Variants in COL4A2 observed in about 807,000 individuals in gnomAD.
COL4A2 encodes collagen alpha-2(IV) chain.
A neutral mutation model predicts 200.2 loss-of-function variants in COL4A2; 99 were observed. The observed-to-expected ratio is 0.49, with a 90% CI of 0.42 to 0.58. The LOEUF is 0.58. Ranked by LOEUF, COL4A2 falls within the 20% of genes least tolerant of loss-of-function variation. The pLI is 0.00. For missense variants in COL4A2, 1,950 were observed against 2,314.1 expected (o/e 0.84, Z 3.23); for synonymous variants, 897 against 900.6 (o/e 1.00, Z 0.07).
At chr13:110,424,222 A>G (rs1880373438) in intron 4 of COL4A2, among the ~76,000 whole-genome samples, 1 of 151,426 alleles carries the variant, frequency 6.6e-6, no homozygotes, top group African/African-American at 2.4e-5. Flanking sequence ...CAGCCATCCT[A>G]TTTAGTGTGG....
chr13:110,351,299 C>G (rs1410315642), intron 3 of COL4A2, among the ~76,000 whole-genome samples: 1 of 151,954 alleles, frequency 6.6e-6, no homozygotes, highest in Non-Finnish European at 1.5e-5. Context: ...GGTCTTGAAC[C>G]CCTGAGCTCA....
chr13:110,398,151 C>T (rs1879246837), intron 4 of COL4A2, among the ~76,000 whole-genome samples: 1 of 150,778 alleles, frequency 6.6e-6, no homozygotes, highest in African/African-American at 2.4e-5. Context: ...TTCTCTTGTC[C>T]CTTCTCCTTT....
At chr13:110,511,382 T>TA (rs372112718) in intron 47 of COL4A2, among the ~76,000 whole-genome samples, 48 of 148,514 alleles carry the variant, frequency 3.2e-4, no homozygotes, top group Non-Finnish European at 5.7e-4. Context: ...AGTACAGATT[T>TA]AAAAAAAAAA....
At chr13:110,475,361 C>T (rs916408635) in intron 29 of COL4A2, among the ~76,000 whole-genome samples, 5 of 152,222 alleles carry the variant, frequency 3.3e-5, no homozygotes, top group East Asian at 1.9e-4. Flanking sequence ...GAAGGACATA[C>T]GTAGGTGACT....
chr13:110,317,217 AC>A (rs2139346839), intron 3 of COL4A2, among the ~76,000 whole-genome samples: 1 of 151,568 alleles, frequency 6.6e-6, no homozygotes, highest in South Asian at 2.1e-4. Flanking sequence ...CGTGCACCCC[AC>A]ACACACAGAC....
intron 32 of COL4A2, among the ~76,000 whole-genome samples, chr13:110,484,671 G>C (rs989926592): frequency 6.6e-6 from 1 of 152,094 alleles, no homozygotes; most frequent in Non-Finnish European, 1.5e-5. Flanking sequence ...TCCCCCTACT[G>C]TGGTGCTGTG....
chr13:110,404,569 A>C (rs1879493853), intron 4 of COL4A2, among the ~76,000 whole-genome samples: 1 of 152,204 alleles, frequency 6.6e-6, no homozygotes, highest in Non-Finnish European at 1.5e-5. Context: ...AGGAGCCGCC[A>C]AGGCTCACAG....
In COL4A2 at chr13:110,480,270, G is replaced by A; in HGVS notation, c.2638G>A (p.Val880Met). 1 of 1,613,756 alleles carries A rather than the reference G, an allele frequency of 6.2e-7. No individual in the cohort carries two copies. The highest frequency in any genetic ancestry group is 1.1e-5 in the South Asian group (1 of 91,004). Residue 880 changes from valine to methionine, a missense_variant, in exon 31 of 48, where the codon GTG (valine) becomes ATG (methionine). By Grantham distance (21) the Val-to-Met change is conservative. Around this residue, in one of 2 missense-constraint regions of COL4A2, gnomAD observed 1,385 missense variants for 1,720.5 expected, o/e 0.80. Transcript: ENST00000360467. ...DPGDTGAPGP[V>M]GMKGLSGDRG... ...TGGGGACACAGGCGCTCCTGGCCCT[G>A]TGGGCATGAAAGGTCTCTCTGGTGA...
intron 8 of COL4A2, 37 bp from the exon 9 acceptor site, chr13:110,430,364 A>G (rs376017335): frequency 2.5e-6 from 4 of 1,602,494 alleles, no homozygotes; most frequent in Non-Finnish European, 3.4e-6. Flanking sequence ...AAGATGGTTA[A>G]AAGCTATCAC....
At position 110,503,236 on chromosome 13, in the gene COL4A2, C is replaced by A. The variant is rs754253271; in HGVS notation, c.3993C>A (p.Ser1331=). 1.2e-6 allele frequency: 2 copies of A among 1,613,496 alleles called. No homozygotes were observed. The highest frequency in any genetic ancestry group is 2.2e-5 in the South Asian group (2 of 91,060). ...TPGTKGWAGD[S]GPQGRPGVFG... is the part of the protein sequence containing the mutation. ...GGACCAAAGGATGGGCCGGGGACTC[C>A]GGGCCCCAGGGCAGGCCTGGTGTGT... Residue 1331 remains serine, a synonymous_variant, in exon 42 of 48, where the codon TCC becomes TCA. Transcript: ENST00000360467.
chr13:110,316,581 T>C (rs563338888), intron 3 of COL4A2, among the ~76,000 whole-genome samples: 4 of 152,128 alleles, frequency 2.6e-5, no homozygotes, highest in Admixed American at 6.6e-5. Flanking sequence ...TAAGAGAGCA[T>C]CCTGAAGATG....
intron 18 of COL4A2, among the ~76,000 whole-genome samples, chr13:110,448,967 G>A (rs946410020): frequency 3.3e-5 from 5 of 152,226 alleles, no homozygotes; most frequent in African/African-American, 4.8e-5. Flanking sequence ...CTGCACACTC[G>A]GCACGAAGCT....
chr13:110,317,529 C>T (rs1885172097), intron 3 of COL4A2, among the ~76,000 whole-genome samples: 1 of 152,014 alleles, frequency 6.6e-6, no homozygotes, highest in Non-Finnish European at 1.5e-5. Flanking sequence ...TGCAGAGAGG[C>T]TGGACAGAGG....
At chr13:110,395,951 A>G (rs1879167558) in intron 4 of COL4A2, among the ~76,000 whole-genome samples, 1 of 152,254 alleles carries the variant, frequency 6.6e-6, no homozygotes, top group Admixed American at 6.5e-5. Context: ...TCTCAAAATA[A>G]AAGTCCATTT....
At chr13:110,432,295 C>T in intron 10 of COL4A2, 30 bp from the exon 11 acceptor site, 4 of 1,593,660 alleles carry the variant, frequency 2.5e-6, no homozygotes, top group Non-Finnish European at 2.6e-6. Context: ...GTAAAGAAAA[C>T]CATTTACACA....
At position 110,457,427 on chromosome 13, in the gene COL4A2, G is replaced by A; in HGVS notation, c.1424G>A (p.Gly475Glu). The change falls in exon 21 of 48, where the codon GGG (glycine) becomes GAG (glutamate). Residue 475 changes from glycine to glutamate, a missense_variant. Around this residue, in one of 2 missense-constraint regions of COL4A2, gnomAD observed 1,385 missense variants for 1,720.5 expected, o/e 0.80. Coordinates refer to ENST00000360467, the MANE Select transcript of COL4A2 (RefSeq NM_001846.4). ...TCCCCTGGAGCCCGCGGACCAAAGG[G>A]GTGGAAAGGTAAGAACATCTGGGAG... is the stretch of plus-strand genomic sequence containing the variant. ...PGSPGARGPK[G>E]WKGDAGECRC... The A allele has an allele frequency of 6.3e-7, 1 of 1,598,170 alleles. No homozygotes were observed. The highest frequency in any genetic ancestry group is 8.6e-7 in the Non-Finnish European group (1 of 1,165,606).
At chr13:110,333,528 C>T (rs368162313) in intron 3 of COL4A2, among the ~76,000 whole-genome samples, 3 of 152,190 alleles carry the variant, frequency 2.0e-5, no homozygotes, top group Admixed American at 6.5e-5. Context: ...TTCATGGGGG[C>T]GATTTCTTGT....
intron 22 of COL4A2, 125 bp downstream of exon 22, chr13:110,459,059 TGGC>T: frequency 2.1e-6 from 2 of 956,752 alleles, no homozygotes; most frequent in Admixed American, 3.4e-5. Context: ...ACCCAAGGCA[TGGC>T]TAAACCATTC....
chr13:110,392,284 A>T (rs1233715349), intron 4 of COL4A2, among the ~76,000 whole-genome samples: 1 of 152,242 alleles, frequency 6.6e-6, no homozygotes, highest in Non-Finnish European at 1.5e-5. Context: ...TCTTGCATTC[A>T]CGTTCCAAAG....
Sources: gnomAD v4.1 joint callset for allele counts (sites outside exome capture counted in the v4.1 genomes callset) on GRCh38, gnomAD v4.1.1 for gene constraint, gnomAD v4.1.1 regional missense constraint, MANE v1.5 for transcripts, NCBI Gene and HGNC (gene_info 2026-07-23, HGNC 2026-07-21) for gene names.